PHF21A: variants seen among roughly 807,000 people sequenced by gnomAD.
PHF21A encodes BHC80a.
PHF21A carries 11 observed loss-of-function variants against 82.5 expected under a neutral mutation model. The observed-to-expected ratio is 0.13, with a 90% CI of 0.08 to 0.22. The LOEUF is 0.22. PHF21A is among the 10% of genes least tolerant of loss of function. The probability of loss-of-function intolerance (pLI) is 1.00; values close to 1 mark genes in which losing one functional copy is unlikely to be tolerated. For missense variants in PHF21A, 579 were observed against 837.8 expected (o/e 0.69, Z 3.81); for synonymous variants, 297 against 302.8 (o/e 0.98, Z 0.20).
intron 6 of PHF21A, among the ~76,000 whole-genome samples, chr11:46,009,864 T>G (rs1040078531): frequency 5.3e-5 from 8 of 152,372 alleles, no homozygotes; most frequent in African/African-American, 1.9e-4. Context: ...AACTCTTTCA[T>G]CACCTTGCAT....
intron 10 of PHF21A, among the ~76,000 whole-genome samples, chr11:45,959,895 C>T (rs1317833903): frequency 1.3e-5 from 2 of 152,130 alleles, no homozygotes; most frequent in African/African-American, 2.4e-5. Flanking sequence ...TTTGAATAGA[C>T]CTTTTTCCAT....
chr11:46,092,159 T>C (rs375659188), intron 2 of PHF21A, 24 bp downstream of exon 2: 1 of 151,502 alleles, frequency 6.6e-6, no homozygotes, highest in South Asian at 2.1e-4. Flanking sequence ...AGGCACACGA[T>C]GTCTACCTAG....
At chr11:46,013,607 T>C (rs1039544315) in intron 6 of PHF21A, among the ~76,000 whole-genome samples, 11 of 152,208 alleles carry the variant, frequency 7.2e-5, no homozygotes, top group Admixed American at 2.0e-4. Flanking sequence ...GGATATGTCC[T>C]GAGAAATGCA....
In PHF21A at chr11:46,121,181, A is replaced by ACTCTCTCTCTCTCTCT. The variant is rs60788619; in HGVS notation, c.-499_-484dup. ...CTCTCCTCTCCTCTCTCTCTCACTC[A>ACTCTCTCTCTCTCTCT]CTCTCTCTCTCTCTCTCTCTCTGGG... is the stretch of plus-strand genomic sequence containing the variant. On this transcript the variant is annotated 5_prime_UTR_variant, in exon 1 of 19. Transcript: ENST00000676320. The ACTCTCTCTCTCTCTCT allele has an allele frequency of 9.5e-5, 12 of 126,358 alleles. No individual in the cohort carries two copies. Among genetic ancestry groups the ACTCTCTCTCTCTCTCT allele is most frequent in the Admixed American group, 3.9e-4 (5 of 12,898 alleles). 7.8% of individuals were successfully genotyped at this position (126,358 alleles called of 1,614,324 possible). A position where few individuals can be genotyped will look rare whatever the true frequency, so the allele number is the denominator to read the frequency against.
chr11:45,942,685 ATTC>A (rs1161619072), intron 15 of PHF21A, among the ~76,000 whole-genome samples: 1 of 152,186 alleles, frequency 6.6e-6, no homozygotes, highest in Admixed American at 6.5e-5. Flanking sequence ...AGAGAACAGA[ATTC>A]TTCTATGACC....
intron 10 of PHF21A, among the ~76,000 whole-genome samples, chr11:45,958,449 T>TATATAC (rs780397923): frequency 1.3e-4 from 2 of 15,076 alleles, no homozygotes; most frequent in African/African-American, 1.9e-4. Context: ...TATATATATA[T>TATATAC]ACACACACAC....
chr11:45,965,388 A>T lies in PHF21A; in HGVS notation c.923T>A (p.Val308Glu). The part of the protein sequence containing the change: ...TFPMAQLTSI[V>E]IATPGTRLAG... ...GAGTCTGGTCCCTGGAGTAGCTATC[A>T]CAATGCTGGTGAGCTGGGCCATGGG... The change falls in exon 10 of 19, where the codon GTG (valine) becomes GAG (glutamate). Residue 308 changes from valine (V) to glutamate (E), a missense_variant. Transcript: ENST00000676320. 6.2e-7 allele frequency: 1 copy of T among 1,614,052 alleles called. No homozygotes were observed. The highest frequency in any genetic ancestry group is 8.5e-7 in the Non-Finnish European group (1 of 1,180,008).
intron 11 of PHF21A, among the ~76,000 whole-genome samples, chr11:45,950,698 A>G (rs756289319): frequency 1.3e-5 from 2 of 152,174 alleles, no homozygotes; most frequent in Non-Finnish European, 2.9e-5. Context: ...TTCTTTCTCA[A>G]TGACAGAAAT....
intron 6 of PHF21A, among the ~76,000 whole-genome samples, chr11:46,062,755 T>A (rs766362418): frequency 6.6e-6 from 1 of 152,200 alleles, no homozygotes; most frequent in Non-Finnish European, 1.5e-5. Flanking sequence ...TTGGAAAACA[T>A]TTTGGCAGTT....
intron 6 of PHF21A, among the ~76,000 whole-genome samples, chr11:46,073,462 A>T (rs1421317722): frequency 1.3e-5 from 2 of 152,204 alleles, no homozygotes; most frequent in African/African-American, 4.8e-5. Context: ...AAAATTTTTT[A>T]AATCTTATTT....
intron 6 of PHF21A, among the ~76,000 whole-genome samples, chr11:46,017,748 T>C (rs2095545175): frequency 6.6e-6 from 1 of 152,214 alleles, no homozygotes; most frequent in East Asian, 1.9e-4. Context: ...TTGATAAATA[T>C]GTAGACTGAT....
At chr11:45,946,383 T>TTTTA in intron 14 of PHF21A, among the ~76,000 whole-genome samples, 1 of 152,130 alleles carries the variant, frequency 6.6e-6, no homozygotes, top group Non-Finnish European at 1.5e-5. Flanking sequence ...AATGAGTTTA[T>TTTTA]TTTATTTATT....
chr11:46,030,897 G>A (rs1373816677), intron 6 of PHF21A, among the ~76,000 whole-genome samples: 1 of 150,958 alleles, frequency 6.6e-6, no homozygotes, highest in Non-Finnish European at 1.5e-5. Context: ...TACTTTTTGG[G>A]GGAAGTGGAG....
intron 6 of PHF21A, among the ~76,000 whole-genome samples, chr11:46,036,017 A>C (rs1254410717): frequency 6.6e-6 from 1 of 152,244 alleles, no homozygotes; most frequent in East Asian, 1.9e-4. Flanking sequence ...AAGATTCAAA[A>C]AGAAACTCTT....
chr11:45,943,574 T>C (rs2090777467), intron 15 of PHF21A, among the ~76,000 whole-genome samples: 1 of 152,360 alleles, frequency 6.6e-6, no homozygotes, highest in South Asian at 2.1e-4. Flanking sequence ...CTTCTGCATA[T>C]TTTAGACACA....
intron 1 of PHF21A, among the ~76,000 whole-genome samples, chr11:46,094,705 T>C (rs2096969862): frequency 1.3e-5 from 2 of 151,850 alleles, no homozygotes; most frequent in African/African-American, 4.8e-5. Context: ...ACATGGTGAA[T>C]AATAATTATT....
intron 6 of PHF21A, among the ~76,000 whole-genome samples, chr11:45,987,067 G>A (rs986882624): frequency 5.3e-5 from 8 of 151,988 alleles, no homozygotes; most frequent in Non-Finnish European, 1.2e-4. Flanking sequence ...TTATGAATGC[G>A]TAAAAGAGAT....
chr11:46,068,286 A>G (rs958980141), intron 6 of PHF21A, among the ~76,000 whole-genome samples: 11 of 152,302 alleles, frequency 7.2e-5, no homozygotes, highest in African/African-American at 2.6e-4. Context: ...GGAATAAAAC[A>G]GATGAATCAG....
At chr11:45,980,026 A>G in intron 6 of PHF21A, 60 bp from the exon 7 acceptor site, 1 of 1,607,794 alleles carries the variant, frequency 6.2e-7, no homozygotes, top group Non-Finnish European at 8.5e-7. Flanking sequence ...TCAGCTGCAC[A>G]GAAATATGCT....
Sources: gnomAD v4.1 joint callset for allele counts (sites outside exome capture counted in the v4.1 genomes callset) on GRCh38, gnomAD v4.1.1 for gene constraint, MANE v1.5 for transcripts, NCBI Gene and HGNC (gene_info 2026-07-23, HGNC 2026-07-21) for gene names.